The following GAB1 variants were observed in gnomAD, a reference collection of about 807,000 sequenced individuals.
GAB1 encodes GRB2 associated binding protein 1, also known as GRB2-associated-binding protein 1.
Under a neutral mutation model 66.5 loss-of-function variants are expected in GAB1, and 19 were observed. That is an observed-to-expected ratio of 0.29 (90% CI 0.20 to 0.42). The LOEUF is 0.42. Among genes scored for constraint, GAB1 ranks in the 10% least tolerant of loss-of-function variants. The pLI, the probability that GAB1 is intolerant of heterozygous loss-of-function variation, is 1.00. For synonymous variants in GAB1, 294 were observed against 301.4 expected, an observed-to-expected ratio of 0.98 and a Z score of 0.25; for missense variants, 732 against 858.5, an observed-to-expected ratio of 0.85 and a Z score of 1.84.
chr4:143,450,454 A>G (rs1734859438), intron 6 of GAB1, among the ~76,000 whole-genome samples: 1 of 152,238 alleles, frequency 6.6e-6, no homozygotes, highest in Non-Finnish European at 1.5e-5. Context: ...AATTTATGTA[A>G]GTAGTTACCT....
At chr4:143,378,673 C>T (rs1374662020) in intron 1 of GAB1, among the ~76,000 whole-genome samples, 1 of 129,226 alleles carries the variant, frequency 7.7e-6, no homozygotes, top group East Asian at 2.4e-4. Flanking sequence ...CTCTCTCTCT[C>T]GTTTTTCTAG....
At chr4:143,449,608 G>T (rs960355056) in intron 6 of GAB1, among the ~76,000 whole-genome samples, 18 of 152,080 alleles carry the variant, frequency 1.2e-4, no homozygotes, top group African/African-American at 4.1e-4. Flanking sequence ...GACTAGGATT[G>T]CAACCCCTGC....
Position 143,415,479 on chromosome 4 carries a change from A to G in GAB1, c.75A>G (p.Ala25=), listed in dbSNP as rs2149718091. The part of the protein sequence containing the change: ...SPPEKKLKRY[A]WKRRWFVLRS... ...GGATATTTTTGTTTTGTTTCTAGGC[A>G]TGGAAGAGGAGATGGTTCGTGTTAC... Residue 25 remains alanine (A), a splice_region_variant and synonymous_variant, in exon 2 of 10, where the codon GCA becomes GCG. Transcript: ENST00000262994. The G allele has an allele frequency of 1.9e-6, 3 of 1,595,650 alleles. No individual in the cohort carries two copies. Among genetic ancestry groups the G allele is most frequent in the South Asian group, 2.3e-5 (2 of 88,814 alleles).
intron 1 of GAB1, among the ~76,000 whole-genome samples, chr4:143,365,588 A>G (rs915310588): frequency 1.3e-5 from 2 of 152,114 alleles, no homozygotes; most frequent in South Asian, 2.1e-4. Context: ...GTATCCCCCA[A>G]TCTCTGATCT....
chr4:143,344,936 T>C (rs1488252803), intron 1 of GAB1, among the ~76,000 whole-genome samples: 1 of 152,208 alleles, frequency 6.6e-6, no homozygotes, highest in African/African-American at 2.4e-5. Context: ...GACTATGCAC[T>C]GTAATGCATG....
chr4:143,453,304 T>C (rs1330690422), intron 6 of GAB1, among the ~76,000 whole-genome samples: 1 of 152,046 alleles, frequency 6.6e-6, no homozygotes, highest in African/African-American at 2.4e-5. Context: ...TCAATATGAT[T>C]ATATCATATT....
rs564112184 is a variant in GAB1 at position 143,440,321 on chromosome 4, A to G, written c.1524A>G (p.Pro508=). 6.2e-7 allele frequency: 1 copy of G among 1,614,130 alleles called. No individual in the cohort carries two copies. Among genetic ancestry groups the G allele is most frequent in the African/African-American group, 1.3e-5 (1 of 75,044 alleles). Residue 508 remains proline, a synonymous_variant, in exon 6 of 10, where the codon CCA becomes CCG. Transcript: ENST00000262994. ...RSSPKTPPRR[P]VPVADCEPPP... ...GCCCAAAAACCCCTCCCAGAAGGCC[A>G]GTTCCTGTTGCAGACTGTGAACCAC...
At chr4:143,373,339 AAT>A (rs1293319992) in intron 1 of GAB1, among the ~76,000 whole-genome samples, 1 of 152,242 alleles carries the variant, frequency 6.6e-6, no homozygotes, top group Admixed American at 6.5e-5. Flanking sequence ...AAAAAAGAAT[AAT>A]AGCACCAGAC....
chr4:143,395,276 C>G (rs974721333), intron 1 of GAB1: 10 of 152,196 alleles, frequency 6.6e-5, no homozygotes, highest in African/African-American at 2.4e-4. Flanking sequence ...TTTCTGGAAC[C>G]ACTATCCCTC....
intron 2 of GAB1, among the ~76,000 whole-genome samples, chr4:143,431,028 C>T (rs1293999672): frequency 1.3e-5 from 2 of 152,144 alleles, no homozygotes; most frequent in African/African-American, 4.8e-5. Context: ...TTTATCTACC[C>T]TTTCAATATT....
At chr4:143,439,653 C>T (rs748686534) in intron 4 of GAB1, 149 bp from the exon 5 acceptor site, 11 of 602,920 alleles carry the variant, frequency 1.8e-5, no homozygotes, top group African/African-American at 7.4e-5. Context: ...CAATTCAAGA[C>T]ACAGTTCTAT....
chr4:143,444,491 C>G (rs973370212), intron 6 of GAB1, among the ~76,000 whole-genome samples: 3 of 152,082 alleles, frequency 2.0e-5, no homozygotes, highest in Admixed American at 2.0e-4. Context: ...CTGAGAGTTT[C>G]CCTGGGTGAC....
Position 143,472,564 on chromosome 4 carries a change from A to G in GAB1, c.*3375A>G, listed in dbSNP as rs189664896. On this transcript the variant is annotated 3_prime_UTR_variant, in exon 10 of 10. Coordinates refer to ENST00000262994, the MANE Select transcript of GAB1 (RefSeq NM_002039.4). Reference sequence around the variant, plus strand: ...CCTACACACTATGCTGTAGATACTGATCATAATTCTTGGGTGTTCACAAAC... The same window carrying G: ...CCTACACACTATGCTGTAGATACTGGTCATAATTCTTGGGTGTTCACAAAC... The G allele has an allele frequency of 1.6e-4, 24 of 152,268 alleles. No individual in the cohort carries two copies. Among genetic ancestry groups the G allele is most frequent in the African/African-American group, 5.8e-4 (24 of 41,560 alleles). 9.4% of individuals were successfully genotyped at this position (152,268 alleles called of 1,614,324 possible).
chr4:143,406,186 A>G (rs55916366), intron 1 of GAB1, among the ~76,000 whole-genome samples: 1 of 152,146 alleles, frequency 6.6e-6, no homozygotes, highest in Non-Finnish European at 1.5e-5. Flanking sequence ...GAATATTTAG[A>G]TCATTTCAAA....
At chr4:143,464,249 A>G (rs1735659676) in intron 8 of GAB1, among the ~76,000 whole-genome samples, 1 of 152,122 alleles carries the variant, frequency 6.6e-6, no homozygotes, top group South Asian at 2.1e-4. Flanking sequence ...TAATTTTTTC[A>G]GACAGAGTTT....
chr4:143,418,594 G>A (rs563499228), intron 2 of GAB1, among the ~76,000 whole-genome samples: 1 of 152,236 alleles, frequency 6.6e-6, no homozygotes, highest in East Asian at 1.9e-4. Flanking sequence ...TGTTTGGGGG[G>A]ACATAAGGGC....
chr4:143,385,341 G>T (rs540036961), intron 1 of GAB1, among the ~76,000 whole-genome samples: 1 of 152,212 alleles, frequency 6.6e-6, no homozygotes, highest in East Asian at 1.9e-4. Context: ...CTGTAGCCCT[G>T]GAACAGTGTT....
chr4:143,425,663 T>C, intron 2 of GAB1: 1 of 760,622 alleles, frequency 1.3e-6, no homozygotes, highest in South Asian at 1.3e-5. Flanking sequence ...ACAGAGATCC[T>C]GAAGTGATTA....
chr4:143,425,560 G>A, intron 2 of GAB1: 1 of 762,972 alleles, frequency 1.3e-6, no homozygotes, highest in Non-Finnish European at 2.4e-6. Context: ...CACTCCGTGG[G>A]TTTGATGTGG....
Sources: gnomAD v4.1 joint callset for allele counts (sites outside exome capture counted in the v4.1 genomes callset) on GRCh38, gnomAD v4.1.1 for gene constraint, MANE v1.5 for transcripts, NCBI Gene and HGNC (gene_info 2026-07-23, HGNC 2026-07-21) for gene names.